The following PTPN3 variants were observed in gnomAD, a reference collection of about 807,000 sequenced individuals.
PTPN3 encodes protein tyrosine phosphatase non-receptor type 3.
A neutral mutation model predicts 132.7 loss-of-function variants in PTPN3; 96 were observed. The ratio of observed to expected loss-of-function variants is 0.72; its 90% CI spans 0.61 to 0.86. The LOEUF (loss-of-function observed/expected upper bound fraction) is 0.86. PTPN3 is among the 40% of genes least tolerant of loss of function. The probability of loss-of-function intolerance (pLI) is 0.00; values close to 1 mark genes in which losing one functional copy is unlikely to be tolerated. For missense variants in PTPN3, 1,125 were observed against 1,159.6 expected (o/e 0.97, Z 0.43); for synonymous variants, 398 against 429.0 (o/e 0.93, Z 0.89).
At chr9:109,502,968 G>T (rs945424060), upstream of PTPN3, among the ~76,000 whole-genome samples, 1 of 152,158 alleles carries the variant, frequency 6.6e-6, no homozygotes, top group African/African-American at 2.4e-5. Flanking sequence ...GGCTACAGAA[G>T]TTATCTTTTA....
At chr9:109,407,301 C>T (rs928941665) in intron 17 of PTPN3, among the ~76,000 whole-genome samples, 4 of 152,068 alleles carry the variant, frequency 2.6e-5, no homozygotes, top group African/African-American at 7.2e-5. Flanking sequence ...GCAGGAGGAT[C>T]GCTTGAGCCT....
At chr9:109,533,906 C>T in the PTPN3 span, 1 of 752,514 alleles carries the variant, frequency 1.3e-6, no homozygotes, top group Non-Finnish European at 2.4e-6. Flanking sequence ...ATAAGGGTTA[C>T]GGTCTGCTGC....
chr9:109,422,039 C>T (rs372385160), intron 13 of PTPN3, among the ~76,000 whole-genome samples: 1 of 152,190 alleles, frequency 6.6e-6, no homozygotes, highest in Non-Finnish European at 1.5e-5. Context: ...TAAAAGCTTA[C>T]TACGTACTTG....
At chr9:109,450,766 C>T (rs1845192663) in intron 5 of PTPN3, 2 of 985,414 alleles carry the variant, frequency 2.0e-6, no homozygotes, top group Non-Finnish European at 2.4e-6. Flanking sequence ...AGAAGAGATG[C>T]CTGGGATGCC....
Position 109,377,372 on chromosome 9 carries a change from G to GCAACACAT in PTPN3, c.*2176_*2183dup, listed in dbSNP as rs1408287633. ...GGCCAGGAGTTTGAGACCAGCCTAG[G>GCAACACAT]CAACACATCAAGATCCTGTCTCTAC... On this transcript the variant is annotated 3_prime_UTR_variant, in exon 26 of 26. Coordinates refer to ENST00000374541, the MANE Select transcript of PTPN3 (RefSeq NM_002829.4). 4 of 140,978 alleles carry GCAACACAT rather than the reference G, an allele frequency of 2.8e-5. No individual in the cohort carries two copies. Among genetic ancestry groups the GCAACACAT allele is most frequent in the Admixed American group, 2.2e-4 (3 of 13,658 alleles). 8.7% of individuals were successfully genotyped at this position (140,978 alleles called of 1,614,324 possible).
intron 17 of PTPN3, 85 bp from the exon 18 acceptor site, chr9:109,406,703 A>G: frequency 2.6e-6 from 4 of 1,521,554 alleles, no homozygotes; most frequent in Non-Finnish European, 3.6e-6. Flanking sequence ...GCTCCCAGAC[A>G]CCTGGGACCA....
At chr9:109,431,781 T>C (rs1030967929) in intron 10 of PTPN3, among the ~76,000 whole-genome samples, 3 of 152,178 alleles carry the variant, frequency 2.0e-5, no homozygotes, top group Non-Finnish European at 4.4e-5. Context: ...GGAGCTAGAC[T>C]CTGATGTGAG....
At position 109,376,300 on chromosome 9, in the gene PTPN3, T is replaced by G. The variant is rs571306624; in HGVS notation, c.*3256A>C. 6.6e-6 allele frequency: 1 copy of G among 152,260 alleles called. No individual in the cohort carries two copies. Among genetic ancestry groups the G allele is most frequent in the African/African-American group, 2.4e-5 (1 of 41,536 alleles). 9.4% of individuals were successfully genotyped at this position (152,260 alleles called of 1,614,324 possible). On this transcript the variant is annotated 3_prime_UTR_variant, in exon 26 of 26. Transcript: ENST00000374541. ...ATCTTTCCCCATTTCTGCTGCCTCT[T>G]TGTTGCCTCTGGAGGATGAAGAGGG...
Position 109,378,343 on chromosome 9 carries a change from A to G in PTPN3, c.*1213T>C, listed in dbSNP as rs1838744261. ...TCACAAAGGCAGAATTCTTTAGGAC[A>G]ATCAAAATGATGGTGTTCTTAGAAT... On this transcript the variant is annotated 3_prime_UTR_variant, in exon 26 of 26. Transcript: ENST00000374541. 6.6e-6 allele frequency: 1 copy of G among 152,666 alleles called. No homozygotes were observed. Among genetic ancestry groups the G allele is most frequent in the Non-Finnish European group, 1.5e-5 (1 of 68,032 alleles). The allele number at this position is 152,666 out of a possible 1,614,324, so 9.5% of individuals were successfully genotyped here.
chr9:109,523,275 C>T, the PTPN3 span, among the ~76,000 whole-genome samples: 2 of 151,890 alleles, frequency 1.3e-5, no homozygotes, highest in Non-Finnish European at 2.9e-5. Flanking sequence ...CCACCATGCC[C>T]GGCTTATTTT....
At chr9:109,518,520 T>C in the PTPN3 span, among the ~76,000 whole-genome samples, 1 of 152,150 alleles carries the variant, frequency 6.6e-6, no homozygotes, top group Non-Finnish European at 1.5e-5. Flanking sequence ...GTGATCTGTG[T>C]GGTCTGGGTG....
At chr9:109,396,109 G>A (rs1188470532) in intron 19 of PTPN3, among the ~76,000 whole-genome samples, 2 of 152,084 alleles carry the variant, frequency 1.3e-5, no homozygotes, top group South Asian at 2.1e-4. Context: ...CAAGCCACCC[G>A]TCTTGGCCTC....
At chr9:109,480,895 A>AATGG (rs199785673) in intron 1 of PTPN3, among the ~76,000 whole-genome samples, 5,860 of 151,796 alleles carry the variant, frequency 0.039, 209 homozygotes, top group East Asian at 0.21. Flanking sequence ...CTGTGGGATG[A>AATGG]ATGGATGGAT....
At chr9:109,381,899 G>T in intron 24 of PTPN3, 112 bp from the exon 25 acceptor site, 1 of 1,335,346 alleles carries the variant, frequency 7.5e-7, no homozygotes, top group Non-Finnish European at 1.1e-6. Context: ...TGGCCTTCGA[G>T]AAGACAAAAC....
intron 14 of PTPN3, chr9:109,417,532 G>GTTTT (rs34687094): frequency 8.7e-6 from 7 of 804,814 alleles, no homozygotes; most frequent in Non-Finnish European, 7.5e-6. Flanking sequence ...TAACCAACAG[G>GTTTT]TTTTTTTTTT....
At chr9:109,394,003 G>C (rs1840355315) in intron 19 of PTPN3, among the ~76,000 whole-genome samples, 1 of 152,154 alleles carries the variant, frequency 6.6e-6, no homozygotes. Flanking sequence ...TACAGTTTCA[G>C]TTCATAACCA....
intron 13 of PTPN3, 32 bp from the exon 14 acceptor site, chr9:109,420,632 T>C: frequency 1.9e-6 from 3 of 1,578,340 alleles, no homozygotes; most frequent in Non-Finnish European, 2.6e-6. Flanking sequence ...TGCAAAGTGT[T>C]CAAAGCAAAT....
chr9:109,477,288 T>C (rs1846723606), intron 1 of PTPN3, among the ~76,000 whole-genome samples: 1 of 152,212 alleles, frequency 6.6e-6, no homozygotes, highest in Non-Finnish European at 1.5e-5. Flanking sequence ...GCTCTCATGT[T>C]GGTAAATTTC....
chr9:109,401,487 T>C (rs146150928), intron 19 of PTPN3, among the ~76,000 whole-genome samples: 2 of 152,326 alleles, frequency 1.3e-5, no homozygotes, highest in South Asian at 4.1e-4. Flanking sequence ...TTTGAAAACT[T>C]TTTAAAAAGT....
Sources: gnomAD v4.1 joint callset for allele counts (sites outside exome capture counted in the v4.1 genomes callset) on GRCh38, gnomAD v4.1.1 for gene constraint, MANE v1.5 for transcripts, NCBI Gene and HGNC (gene_info 2026-07-23, HGNC 2026-07-21) for gene names.